CDC14B: variants seen among roughly 807,000 people sequenced by gnomAD.
CDC14B encodes dual specificity protein phosphatase CDC14B.
Under a neutral mutation model 64.2 loss-of-function variants are expected in CDC14B, and 22 were observed. The ratio of observed to expected loss-of-function variants is 0.34; its 90% confidence interval spans 0.24 to 0.49. The LOEUF is 0.49. Ranked by LOEUF, CDC14B falls within the 20% of genes least tolerant of loss-of-function variation. The pLI is 0.99. For missense variants in CDC14B, 498 were observed against 629.9 expected (o/e 0.79, Z 2.24); for synonymous variants, 191 against 215.8 (o/e 0.89, Z 1.01).
intron 1 of CDC14B, among the ~76,000 whole-genome samples, chr9:96,582,302 T>C (rs1436957120): frequency 6.6e-6 from 1 of 152,268 alleles, no homozygotes; most frequent in Non-Finnish European, 1.5e-5. Context: ...ATATACTTTA[T>C]GTTCTTAGCT....
chr9:96,543,374 T>C (rs1840363196), intron 5 of CDC14B, among the ~76,000 whole-genome samples: 1 of 152,126 alleles, frequency 6.6e-6, no homozygotes, highest in African/African-American at 2.4e-5. Context: ...CAAGCAGTCT[T>C]CTCACCTTTT....
Position 96,503,689 on chromosome 9 carries a change from T to C in CDC14B, c.*64A>G. On this transcript the variant is annotated 3_prime_UTR_variant, in exon 14 of 14. Transcript: ENST00000375241. ...GCAATTTTGTTTTGTTTTCAAATTG[T>C]GCTAATTTCTGTTGCAGTTTTCAGT... 4 of 1,422,070 alleles carry C rather than the reference T, an allele frequency of 2.8e-6. No individual in the cohort carries two copies. Among genetic ancestry groups the C allele is most frequent in the South Asian group, 2.4e-5 (2 of 82,884 alleles). The allele number at this position is 1,422,070 out of a possible 1,614,324, so 88.1% of individuals were successfully genotyped here. A position where few individuals can be genotyped will look rare whatever the true frequency, so the allele number is the denominator to read the frequency against.
intron 6 of CDC14B, among the ~76,000 whole-genome samples, chr9:96,540,421 TCAGGAGTTTGAGAC>T (rs1262301209): frequency 6.6e-6 from 1 of 152,032 alleles, no homozygotes; most frequent in Non-Finnish European, 1.5e-5. Context: ...TCGCTTGAGC[TCAGGAGTTTGAGAC>T]CAGCCTAGGC....
intron 1 of CDC14B, among the ~76,000 whole-genome samples, chr9:96,586,591 C>T (rs1016648921): frequency 6.6e-6 from 1 of 152,132 alleles, no homozygotes; most frequent in African/African-American, 2.4e-5. Flanking sequence ...TGCACCACCA[C>T]ACTCAGCTAA....
chr9:96,607,827 T>C (rs893388143), intron 1 of CDC14B, among the ~76,000 whole-genome samples: 5 of 152,096 alleles, frequency 3.3e-5, no homozygotes, highest in Admixed American at 3.3e-4. Flanking sequence ...GTAGAGTCGA[T>C]TCCCACTCCC....
At chr9:96,493,856 C>A (rs563239335) in intron 13 of CDC14B, among the ~76,000 whole-genome samples, 1 of 152,212 alleles carries the variant, frequency 6.6e-6, no homozygotes, top group Non-Finnish European at 1.5e-5. Flanking sequence ...CTTGTAACCA[C>A]GTTTTCCTCC....
intron 1 of CDC14B, among the ~76,000 whole-genome samples, chr9:96,569,879 C>T (rs1844370307): frequency 6.6e-6 from 1 of 152,174 alleles, no homozygotes; most frequent in South Asian, 2.1e-4. Context: ...TGAGCCACCG[C>T]GCCTGGCCGA....
At chr9:96,616,925 T>C (rs1847668737) in intron 1 of CDC14B, among the ~76,000 whole-genome samples, 1 of 152,112 alleles carries the variant, frequency 6.6e-6, no homozygotes, top group Non-Finnish European at 1.5e-5. Context: ...GAAGATACTT[T>C]AATTGGCCTT....
chr9:96,592,414 C>T (rs1317089253), intron 1 of CDC14B, among the ~76,000 whole-genome samples: 1 of 152,214 alleles, frequency 6.6e-6, no homozygotes, highest in African/African-American at 2.4e-5. Flanking sequence ...AATTCCTATG[C>T]ACTTATCGAG....
intron 12 of CDC14B, among the ~76,000 whole-genome samples, chr9:96,512,038 G>T (rs986992600): frequency 2.0e-5 from 3 of 151,956 alleles, no homozygotes; most frequent in Non-Finnish European, 4.4e-5. Flanking sequence ...AAAATATAGT[G>T]AGACATCCTC....
At chr9:96,599,497 C>T (rs1489925494) in intron 1 of CDC14B, among the ~76,000 whole-genome samples, 2 of 152,044 alleles carry the variant, frequency 1.3e-5, no homozygotes, top group African/African-American at 4.8e-5. Context: ...CCACATGGAG[C>T]ACATGCTATC....
chr9:96,607,902 A>G (rs113748885), intron 1 of CDC14B, among the ~76,000 whole-genome samples: 4,159 of 152,226 alleles, frequency 0.027, 178 homozygotes, highest in African/African-American at 0.094. Flanking sequence ...CAGAAAGCAG[A>G]CTCGTGTTGC....
intron 1 of CDC14B, among the ~76,000 whole-genome samples, chr9:96,589,558 C>G (rs1214350663): frequency 6.6e-6 from 1 of 152,052 alleles, no homozygotes; most frequent in Non-Finnish European, 1.5e-5. Context: ...AATCTGGACT[C>G]TTGATCTTCA....
At chr9:96,585,763 A>C (rs1400450994) in intron 1 of CDC14B, among the ~76,000 whole-genome samples, 4 of 152,238 alleles carry the variant, frequency 2.6e-5, no homozygotes, top group Admixed American at 2.6e-4. Flanking sequence ...TCCTAAGTAT[A>C]TATCTAAGGC....
intron 1 of CDC14B, among the ~76,000 whole-genome samples, chr9:96,600,951 T>G (rs1846399045): frequency 6.6e-6 from 1 of 152,118 alleles, no homozygotes; most frequent in Admixed American, 6.6e-5. Context: ...AGGAAACAGA[T>G]TATTATGCAA....
chr9:96,588,958 T>G (rs950539910), intron 1 of CDC14B, among the ~76,000 whole-genome samples: 1 of 152,222 alleles, frequency 6.6e-6, no homozygotes, highest in Non-Finnish European at 1.5e-5. Flanking sequence ...TTTGGATAGT[T>G]ATCATAGACA....
At chr9:96,606,803 T>C (rs983663125) in intron 1 of CDC14B, among the ~76,000 whole-genome samples, 7 of 151,934 alleles carry the variant, frequency 4.6e-5, no homozygotes, top group African/African-American at 1.2e-4. Context: ...CGATCTCAGA[T>C]GATTTGCCTG....
intron 5 of CDC14B, among the ~76,000 whole-genome samples, chr9:96,549,346 A>C (rs1841456507): frequency 6.6e-6 from 1 of 152,216 alleles, no homozygotes. Flanking sequence ...TTCTGTATTT[A>C]TCTCAACACA....
intron 1 of CDC14B, among the ~76,000 whole-genome samples, chr9:96,572,318 A>G (rs1844526884): frequency 6.6e-6 from 1 of 152,220 alleles, no homozygotes; most frequent in Non-Finnish European, 1.5e-5. Context: ...CCAGTCAGTC[A>G]GAAGTTGCTG....
Sources: gnomAD v4.1 joint callset for allele counts (sites outside exome capture counted in the v4.1 genomes callset) on GRCh38, gnomAD v4.1.1 for gene constraint, MANE v1.5 for transcripts, NCBI Gene and HGNC (gene_info 2026-07-23, HGNC 2026-07-21) for gene names.